Variants in RCAN1 observed in about 807,000 individuals in gnomAD.
The protein encoded by RCAN1 is regulator of calcineurin 1, also known as calcipressin-1.
A neutral mutation model predicts 22.9 loss-of-function variants in RCAN1; 11 were observed. That is an observed-to-expected ratio of 0.48 (90% CI 0.30 to 0.79). RCAN1 has a LOEUF of 0.79. RCAN1 is among the 30% of genes least tolerant of loss of function. The probability of loss-of-function intolerance (pLI) is 0.06; values close to 1 mark genes in which losing one functional copy is unlikely to be tolerated. For missense variants in RCAN1, 291 were observed against 337.8 expected, an observed-to-expected ratio of 0.86 and a Z score of 1.09; for synonymous variants, 136 against 142.3, an observed-to-expected ratio of 0.96 and a Z score of 0.32.
Position 34,518,292 on chromosome 21 carries a change from A to T in RCAN1, c.587-36T>A, listed in dbSNP as rs1361613008. ...AAAATAATCGCAGGGTCACTCAGAC[A>T]AGTCCTTGGGAGTCAAAAGGCAAAC... On this transcript the variant is annotated intron_variant, in intron 3 of 3. Transcript: ENST00000313806. The surrounding 1 kb of genome is among the most constrained non-coding windows in gnomAD (Gnocchi z 4.2). 3.7e-6 allele frequency: 6 copies of T among 1,607,556 alleles called. No individual in the cohort carries two copies. Among genetic ancestry groups the T allele is most frequent in the Non-Finnish European group, 5.1e-6 (6 of 1,176,144 alleles).
At chr21:34,613,813 T>C in intron 1 of RCAN1, 1 of 1,491,700 alleles carries the variant, frequency 6.7e-7, no homozygotes. Context: ...CACAGTGGTG[T>C]TGTATTGGCA....
intron 1 of RCAN1, among the ~76,000 whole-genome samples, chr21:34,567,252 T>C (rs986830139): frequency 6.6e-6 from 1 of 152,062 alleles, no homozygotes; most frequent in Non-Finnish European, 1.5e-5. Flanking sequence ...TCCCAGCACT[T>C]TGGGAGGCCA....
Position 34,517,418 on chromosome 21 carries a change from G to A in RCAN1, c.*666C>T, listed in dbSNP as rs1389054619. The A allele has an allele frequency of 1.3e-5, 2 of 152,210 alleles. No individual in the cohort carries two copies. The highest frequency in any genetic ancestry group is 6.5e-5 in the Admixed American group (1 of 15,276). The allele number at this position is 152,210 out of a possible 1,614,324, so 9.4% of individuals were successfully genotyped here. A position where few individuals can be genotyped will look rare whatever the true frequency, so the allele number is the denominator to read the frequency against. On this transcript the variant is annotated 3_prime_UTR_variant, in exon 4 of 4. Transcript: ENST00000313806. ...GTGAATGCATTCCAGGAAGAGTTCC[G>A]CAAGCAAGTGCTGTTGCAAAGAGTC...
chr21:34,582,584 T>G (rs1438187687), intron 1 of RCAN1, among the ~76,000 whole-genome samples: 2 of 152,126 alleles, frequency 1.3e-5, no homozygotes, highest in Non-Finnish European at 2.9e-5. Flanking sequence ...AGCTGTGGTA[T>G]TGGAGACGCG....
intron 1 of RCAN1, among the ~76,000 whole-genome samples, chr21:34,535,830 A>AC: frequency 6.6e-6 from 1 of 151,860 alleles, no homozygotes; most frequent in East Asian, 1.9e-4. Flanking sequence ...AATGCTAAAG[A>AC]CTTTTTTTTT....
chr21:34,537,561 C>A (rs1417236322), intron 1 of RCAN1, among the ~76,000 whole-genome samples: 1 of 152,228 alleles, frequency 6.6e-6, no homozygotes, highest in Non-Finnish European at 1.5e-5. Context: ...TCAAATACCC[C>A]AGGCCTCATC....
chr21:34,565,854 G>A (rs1432534576), intron 1 of RCAN1, among the ~76,000 whole-genome samples: 10 of 152,144 alleles, frequency 6.6e-5, no homozygotes, highest in Non-Finnish European at 1.2e-4. Context: ...CTTCCCCAGC[G>A]ACCATGTATA....
chr21:34,556,223 G>C (rs534774350), intron 1 of RCAN1, among the ~76,000 whole-genome samples: 1 of 149,960 alleles, frequency 6.7e-6, no homozygotes, highest in Admixed American at 6.6e-5. Context: ...CAGGAGTTTC[G>C]GACCAGCCTG....
intron 1 of RCAN1, among the ~76,000 whole-genome samples, chr21:34,567,175 G>A (rs1329346334): frequency 1.3e-5 from 2 of 151,992 alleles, no homozygotes; most frequent in Non-Finnish European, 1.5e-5. Context: ...TTCAAAGTAA[G>A]AAAGGTACAA....
At chr21:34,542,445 C>T (rs12627718) in intron 1 of RCAN1, among the ~76,000 whole-genome samples, 36,219 of 152,014 alleles carry the variant, frequency 0.24, 4,993 homozygotes, top group African/African-American at 0.38. Flanking sequence ...CATACAGAGA[C>T]GAACTGAGGC....
chr21:34,519,562 C>G (rs1984338252), intron 3 of RCAN1, among the ~76,000 whole-genome samples: 1 of 151,994 alleles, frequency 6.6e-6, no homozygotes, highest in African/African-American at 2.4e-5. Flanking sequence ...TCATACTCAG[C>G]TAATTTTTGT....
intron 1 of RCAN1, among the ~76,000 whole-genome samples, chr21:34,593,358 C>A (rs2123713986): frequency 6.6e-6 from 1 of 152,366 alleles, no homozygotes; most frequent in South Asian, 2.1e-4. Context: ...CAACTGTTCT[C>A]ACCATATGCA....
chr21:34,573,348 T>C (rs757773511), intron 1 of RCAN1, among the ~76,000 whole-genome samples: 1 of 152,208 alleles, frequency 6.6e-6, no homozygotes, highest in Non-Finnish European at 1.5e-5. Context: ...TAATCTTTTG[T>C]ATTAACCATC....
At chr21:34,613,728 C>A in intron 1 of RCAN1, 1 of 1,454,436 alleles carries the variant, frequency 6.9e-7, no homozygotes, top group Non-Finnish European at 9.2e-7. Flanking sequence ...AGCACACGGC[C>A]ATTGTAATTC....
chr21:34,583,116 TTA>T (rs1211367446), intron 1 of RCAN1, among the ~76,000 whole-genome samples: 1 of 152,000 alleles, frequency 6.6e-6, no homozygotes, highest in African/African-American at 2.4e-5. Context: ...CCCCACAAGT[TTA>T]TGTGTTGAAG....
intron 1 of RCAN1, among the ~76,000 whole-genome samples, chr21:34,592,467 T>C (rs75189946): frequency 0.035 from 5,333 of 152,156 alleles, 253 homozygotes; most frequent in South Asian, 0.11. Flanking sequence ...AGGAGGTGAT[T>C]ACAGTTCAAG....
At chr21:34,561,481 A>C (rs1191502746) in intron 1 of RCAN1, among the ~76,000 whole-genome samples, 1 of 152,176 alleles carries the variant, frequency 6.6e-6, no homozygotes, top group African/African-American at 2.4e-5. Flanking sequence ...TACAATATCC[A>C]ACTTATTTTA....
At chr21:34,563,754 C>CAAAAAAA (rs58299654) in intron 1 of RCAN1, among the ~76,000 whole-genome samples, 2 of 44,308 alleles carry the variant, frequency 4.5e-5, no homozygotes, top group African/African-American at 2.0e-4. Context: ...CTAAAAATAC[C>CAAAAAAA]AAAAAAAAAA....
intron 1 of RCAN1, among the ~76,000 whole-genome samples, chr21:34,558,390 C>T (rs991076194): frequency 3.9e-5 from 6 of 152,128 alleles, no homozygotes; most frequent in Non-Finnish European, 7.3e-5. Context: ...AGCTGACACC[C>T]AACTCCACCT....
Sources: gnomAD v4.1 joint callset for allele counts (sites outside exome capture counted in the v4.1 genomes callset) on GRCh38, gnomAD v4.1.1 for gene constraint, Gnocchi (gnomAD v3.1) non-coding constraint, MANE v1.5 for transcripts, NCBI Gene and HGNC (gene_info 2026-07-23, HGNC 2026-07-21) for gene names.